Variants in CEP43 observed in about 807,000 individuals in gnomAD.
CEP43 encodes FGFR1 oncogene partner.
Under a neutral mutation model 52.6 loss-of-function variants are expected in CEP43, and 36 were observed. That is an observed-to-expected ratio of 0.68 (90% confidence interval 0.52 to 0.90). CEP43 has a LOEUF of 0.90. Among genes scored for constraint, CEP43 ranks in the 40% least tolerant of loss-of-function variants. The probability of loss-of-function intolerance (pLI) is 0.00; values close to 1 mark genes in which losing one functional copy is unlikely to be tolerated. For synonymous variants in CEP43, 192 were observed against 172.4 expected, an observed-to-expected ratio of 1.11 and a Z score of -0.89; for missense variants, 506 against 472.8, an observed-to-expected ratio of 1.07 and a Z score of -0.65.
At chr6:167,019,673 T>G (rs928672734) in intron 7 of CEP43, among the ~76,000 whole-genome samples, 3 of 152,220 alleles carry the variant, frequency 2.0e-5, no homozygotes, top group African/African-American at 7.2e-5. Flanking sequence ...AAGTATGTGT[T>G]GTGTAATATA....
At chr6:167,024,753 A>G in intron 8 of CEP43, 29 bp from the exon 9 acceptor site, 1 of 1,489,388 alleles carries the variant, frequency 6.7e-7, no homozygotes, top group African/African-American at 1.4e-5. Flanking sequence ...ACATAAGAGC[A>G]CCGATTAACT....
At chr6:167,036,580 T>G in intron 12 of CEP43, 1 of 985,412 alleles carries the variant, frequency 1.0e-6, no homozygotes, top group Non-Finnish European at 1.2e-6. Flanking sequence ...ACGTGAACAT[T>G]TACACTTCAT....
At chr6:167,004,101 G>A in intron 4 of CEP43, 163 bp from the exon 5 acceptor site, 1 of 743,716 alleles carries the variant, frequency 1.3e-6, no homozygotes, top group Non-Finnish European at 2.1e-6. Context: ...TAGAGGCTCT[G>A]TAAAAGAAAT....
intron 5 of CEP43, among the ~76,000 whole-genome samples, chr6:167,010,308 GTACT>G (rs1291120304): frequency 1.3e-5 from 2 of 152,070 alleles, no homozygotes; most frequent in Admixed American, 1.3e-4. Flanking sequence ...GCTAGAACAG[GTACT>G]TACCATTTTG....
chr6:167,019,960 A>G (rs1030699575), intron 7 of CEP43, among the ~76,000 whole-genome samples: 5 of 152,256 alleles, frequency 3.3e-5, no homozygotes, highest in African/African-American at 1.2e-4. Context: ...GTTTAGAAGG[A>G]GAGAATCTGT....
chr6:167,000,996 G>C (rs946438122), intron 2 of CEP43, among the ~76,000 whole-genome samples: 3 of 152,230 alleles, frequency 2.0e-5, no homozygotes, highest in Admixed American at 6.5e-5. Flanking sequence ...GTTAGGTCCT[G>C]AGCAGGCCCA....
At chr6:167,034,170 G>A (rs1780533505) in intron 12 of CEP43, among the ~76,000 whole-genome samples, 199 bp downstream of exon 12, 1 of 152,180 alleles carries the variant, frequency 6.6e-6, no homozygotes, top group African/African-American at 2.4e-5. Flanking sequence ...ACTTCCTTTG[G>A]TATGCAAGTC....
chr6:167,040,748 T>G lies in CEP43; in HGVS notation c.*770T>G. On this transcript the variant is annotated 3_prime_UTR_variant, in exon 13 of 13. Coordinates refer to ENST00000366847, the MANE Select transcript of CEP43 (RefSeq NM_007045.4). The stretch of plus-strand genomic sequence containing the variant: ...ATTATCTGTAAAGATTCCTTGAAAC[T>G]TAAATGCATCTGAAACCATTAAGCA... 1 of 476,480 alleles carries G rather than the reference T, an allele frequency of 2.1e-6. No individual in the cohort carries two copies. Among genetic ancestry groups the G allele is most frequent in the Non-Finnish European group, 2.7e-6 (1 of 374,270 alleles). 29.5% of individuals were successfully genotyped at this position (476,480 alleles called of 1,614,324 possible).
chr6:167,011,068 CT>C (rs1023895445), intron 6 of CEP43, among the ~76,000 whole-genome samples, 175 bp downstream of exon 6: 15 of 151,844 alleles, frequency 9.9e-5, no homozygotes, highest in African/African-American at 3.4e-4. Context: ...AAAAGTTTTG[CT>C]TTGTTGGTAG....
chr6:167,027,029 G>A (rs1562530954), intron 10 of CEP43, among the ~76,000 whole-genome samples: 1 of 152,328 alleles, frequency 6.6e-6, no homozygotes, highest in Non-Finnish European at 1.5e-5. Flanking sequence ...TAAGAGAGAA[G>A]GGAAGATATT....
At chr6:167,032,146 T>A (rs933065052) in intron 10 of CEP43, among the ~76,000 whole-genome samples, 4 of 152,232 alleles carry the variant, frequency 2.6e-5, no homozygotes, top group African/African-American at 9.6e-5. Context: ...TGAGCCTGGC[T>A]CTGTCTGACT....
rs1264439277 is a variant in CEP43, at chr6:167,041,290, A to G, written c.*1312A>G. 1 of 1,051,628 alleles carries G rather than the reference A, an allele frequency of 9.5e-7. No individual in the cohort carries two copies. Among genetic ancestry groups the G allele is most frequent in the African/African-American group, 1.7e-5 (1 of 60,238 alleles). 65.1% of individuals were successfully genotyped at this position (1,051,628 alleles called of 1,614,324 possible). On this transcript the variant is annotated 3_prime_UTR_variant, in exon 13 of 13. Transcript: ENST00000366847. ...ATGTAGAGGAAATGAAAATGTAAGG[A>G]TTAAGGCTGTGTAACAGAATCTGGC...
rs1259424492 is a variant in CEP43, at chr6:167,042,875, TA to T, written c.*2900del. ...GCTCGTGAGAACAGGGATTTTCTTTTAAACTGCTGTGTACCTGGCACAACAT... is the reference window on the plus strand; with the variant it reads ...GCTCGTGAGAACAGGGATTTTCTTTTAACTGCTGTGTACCTGGCACAACAT... On this transcript the variant is annotated 3_prime_UTR_variant, in exon 13 of 13. Transcript: ENST00000366847. 6.1e-5 allele frequency: 8 copies of T among 130,954 alleles called. No homozygotes were observed. The highest frequency in any genetic ancestry group is 1.9e-4 in the African/African-American group (7 of 37,622). The allele number at this position is 130,954 out of a possible 1,614,324, so 8.1% of individuals were successfully genotyped here.
At chr6:167,036,910 C>T (rs1780595713) in intron 12 of CEP43, 1 of 256,032 alleles carries the variant, frequency 3.9e-6, no homozygotes, top group Admixed American at 6.5e-5. Context: ...TGGGATCAAG[C>T]AATTCTACCT....
In CEP43 at chr6:167,041,453, T is replaced by A. The variant is rs189162995; in HGVS notation, c.*1475T>A. 6 of 1,059,882 alleles carry A rather than the reference T, an allele frequency of 5.7e-6. No individual in the cohort carries two copies. The highest frequency in any genetic ancestry group is 6.9e-6 in the Non-Finnish European group (6 of 875,866). 65.7% of individuals were successfully genotyped at this position (1,059,882 alleles called of 1,614,324 possible). On this transcript the variant is annotated 3_prime_UTR_variant, in exon 13 of 13. Transcript: ENST00000366847. ...TATCTCAGTCTCCTTCAGCTCTTCA[T>A]GTCTTAGTAAACAGCACCACGTGCA...
rs915811019 is a variant in CEP43, at chr6:167,044,682, G to T, written c.*4704G>T. 18 of 444,192 alleles carry T rather than the reference G, an allele frequency of 4.1e-5. No homozygotes were observed. Among genetic ancestry groups the T allele is most frequent in the Middle Eastern group, 1.1e-3 (1 of 874 alleles). The allele number at this position is 444,192 out of a possible 1,614,324, so 27.5% of individuals were successfully genotyped here. ...ATGAACCCCCGAACAAGGTAAGGTC[G>T]AGCTGGCCCCTCGTGTCATCCGACT... On this transcript the variant is annotated 3_prime_UTR_variant, in exon 13 of 13. Coordinates refer to ENST00000366847, the MANE Select transcript of CEP43 (RefSeq NM_007045.4).
At chr6:167,033,099 CTTTTTTTTTTTTT>C (rs71032896) in intron 11 of CEP43, among the ~76,000 whole-genome samples, 52 of 68,360 alleles carry the variant, frequency 7.6e-4, no homozygotes, top group African/African-American at 2.2e-3. Context: ...TTGCCATTCT[CTTTTTTTTTTTTT>C]TTTTTTTTTT....
rs35327997 is a variant in CEP43 at position 167,022,259 on chromosome 6, A to AACACACACACACAC, written c.580-126_580-113dup. 2.8e-3 allele frequency: 1,509 copies of AACACACACACACAC among 544,520 alleles called. 2 individuals are homozygous for AACACACACACACAC. The highest frequency in any genetic ancestry group is 3.3e-3 in the Middle Eastern group (7 of 2,104). The allele number at this position is 544,520 out of a possible 1,614,324, so 33.7% of individuals were successfully genotyped here. A position where few individuals can be genotyped will look rare whatever the true frequency, so the allele number is the denominator to read the frequency against. On this transcript the variant is annotated intron_variant, in intron 7 of 12. Coordinates refer to ENST00000366847, the MANE Select transcript of CEP43 (RefSeq NM_007045.4). ...AGTTCACGCTGCTGAGAGCTGCCCC[A>AACACACACACACAC]ACACACACACACACACACACACACA...
At chr6:167,027,158 A>G (rs1456534058) in intron 10 of CEP43, among the ~76,000 whole-genome samples, 1 of 152,212 alleles carries the variant, frequency 6.6e-6, no homozygotes, top group African/African-American at 2.4e-5. Flanking sequence ...TGAAAGAAAA[A>G]TTGTGAGATG....
Sources: gnomAD v4.1 joint callset for allele counts (sites outside exome capture counted in the v4.1 genomes callset) on GRCh38, gnomAD v4.1.1 for gene constraint, MANE v1.5 for transcripts, NCBI Gene and HGNC (gene_info 2026-07-23, HGNC 2026-07-21) for gene names.